The following SBF2 variants were observed in gnomAD, a reference collection of about 807,000 sequenced individuals.
SBF2 encodes myotubularin-related protein 13.
A neutral mutation model predicts 225.2 loss-of-function variants in SBF2; 112 were observed. The ratio of observed to expected loss-of-function variants is 0.50; its 90% CI spans 0.43 to 0.58. SBF2 has a LOEUF of 0.58. Ranked by LOEUF, SBF2 falls within the 20% of genes least tolerant of loss-of-function variation. The pLI is 0.00. For synonymous variants in SBF2, 763 were observed against 773.3 expected, an observed-to-expected ratio of 0.99 and a Z score of 0.22; for missense variants, 1,996 against 2,206.2, an observed-to-expected ratio of 0.90 and a Z score of 1.91.
intron 1 of SBF2, among the ~76,000 whole-genome samples, chr11:10,214,999 G>A (rs904855923): frequency 6.6e-6 from 1 of 152,162 alleles, no homozygotes; most frequent in Admixed American, 6.5e-5. Flanking sequence ...CTCTGCCTCA[G>A]CCACAATCAC....
chr11:10,262,367 G>A (rs1961528928), intron 1 of SBF2, among the ~76,000 whole-genome samples: 1 of 152,132 alleles, frequency 6.6e-6, no homozygotes, highest in Non-Finnish European at 1.5e-5. Context: ...ATAATCAAAT[G>A]TTGTAGAGGA....
At chr11:9,907,915 A>C (rs1416477294) in intron 16 of SBF2, among the ~76,000 whole-genome samples, 2 of 152,344 alleles carry the variant, frequency 1.3e-5, no homozygotes, top group East Asian at 3.9e-4. Context: ...AGCCTCTCAG[A>C]GGTTAAATTA....
chr11:9,963,708 C>T (rs545299382), intron 15 of SBF2, 65 bp downstream of exon 15: 2 of 778,326 alleles, frequency 2.6e-6, no homozygotes, highest in African/African-American at 3.4e-5. Flanking sequence ...AAGCTGGTAA[C>T]CTCAGCACGT....
At chr11:10,130,994 T>G (rs1954020584) in intron 2 of SBF2, among the ~76,000 whole-genome samples, 1 of 152,190 alleles carries the variant, frequency 6.6e-6, no homozygotes, top group Non-Finnish European at 1.5e-5. Flanking sequence ...TAAAACCATG[T>G]ATGGGATTCT....
chr11:9,909,062 T>G (rs1381869357), intron 16 of SBF2, among the ~76,000 whole-genome samples: 3 of 152,080 alleles, frequency 2.0e-5, no homozygotes, highest in African/African-American at 7.2e-5. Context: ...TTGAGGGCAA[T>G]GATTGTGTTA....
At chr11:10,070,334 T>G (rs1258925090) in intron 2 of SBF2, among the ~76,000 whole-genome samples, 1 of 152,158 alleles carries the variant, frequency 6.6e-6, no homozygotes, top group Non-Finnish European at 1.5e-5. Context: ...TAATTTTTGT[T>G]ATAAGATGTA....
In SBF2 at chr11:10,031,069, T is replaced by C. The variant is rs1263376308; in HGVS notation, c.381A>G (p.Leu127=). Residue 127 remains leucine, a synonymous_variant, in exon 4 of 40, where the codon TTA becomes TTG. Coordinates refer to ENST00000256190, the MANE Select transcript of SBF2 (RefSeq NM_030962.4). ...TTACCCTAAAAATTTCTGGATAATA[T>C]AATCTGGATACCAACACCAGGCTTT... ...APKSLVLVSR[L]YYPEIFRACL... 6.2e-7 allele frequency: 1 copy of C among 1,612,966 alleles called. No individual in the cohort carries two copies. Among genetic ancestry groups the C allele is most frequent in the Non-Finnish European group, 8.5e-7 (1 of 1,179,178 alleles).
chr11:9,787,258 AGG>A (rs1852435155), intron 36 of SBF2, among the ~76,000 whole-genome samples: 1 of 152,244 alleles, frequency 6.6e-6, no homozygotes, highest in Non-Finnish European at 1.5e-5. Flanking sequence ...TGAACAACAC[AGG>A]GTAGCATATT....
intron 7 of SBF2, among the ~76,000 whole-genome samples, chr11:10,002,054 C>T (rs1000702993): frequency 3.9e-5 from 6 of 151,994 alleles, no homozygotes; most frequent in Non-Finnish European, 7.4e-5. Context: ...AAAATTACAA[C>T]GAAGCCCTGC....
chr11:9,808,291 T>G lies in SBF2; in HGVS notation c.4258-106A>C, dbSNP rs564128644. 1.5e-3 allele frequency: 1,484 copies of G among 985,198 alleles called. 11 individuals carry two copies. Among genetic ancestry groups the G allele is most frequent in the South Asian group, 5.0e-3 (358 of 72,196 alleles). The allele number at this position is 985,198 out of a possible 1,614,324, so 61.0% of individuals were successfully genotyped here. A position where few individuals can be genotyped will look rare whatever the true frequency, so the allele number is the denominator to read the frequency against. On this transcript the variant is annotated intron_variant, in intron 31 of 39. Coordinates refer to ENST00000256190, the MANE Select transcript of SBF2 (RefSeq NM_030962.4). Reference sequence around the variant, plus strand: ...ATGATAGCTAATTCACAAATTTACCTGGACAGCAAATTTGTTCACTAACCA... The same window carrying G: ...ATGATAGCTAATTCACAAATTTACCGGGACAGCAAATTTGTTCACTAACCA...
At chr11:10,292,410 G>A (rs1486280217) in intron 1 of SBF2, among the ~76,000 whole-genome samples, 2 of 152,254 alleles carry the variant, frequency 1.3e-5, no homozygotes, top group East Asian at 3.9e-4. Flanking sequence ...GGCCGGGCGT[G>A]GTGGCTCAAG....
intron 1 of SBF2, among the ~76,000 whole-genome samples, chr11:10,245,338 GAGTTCC>G (rs977919901): frequency 8.2e-5 from 8 of 98,080 alleles, no homozygotes; most frequent in African/African-American, 3.2e-4. Flanking sequence ...TTGATTCCAG[GAGTTCC>G]AGACTATAGT....
At chr11:9,969,895 G>A (rs1220728371) in intron 13 of SBF2, among the ~76,000 whole-genome samples, 1 of 152,156 alleles carries the variant, frequency 6.6e-6, no homozygotes, top group East Asian at 1.9e-4. Context: ...TCTTCCCACT[G>A]CATCTTAATG....
intron 3 of SBF2, among the ~76,000 whole-genome samples, chr11:10,041,983 T>G (rs1949673976): frequency 6.6e-6 from 1 of 151,866 alleles, no homozygotes; most frequent in Non-Finnish European, 1.5e-5. Flanking sequence ...TATACAATCT[T>G]AACTTCCACC....
At chr11:10,036,267 A>G (rs369028910) in intron 3 of SBF2, among the ~76,000 whole-genome samples, 1 of 152,060 alleles carries the variant, frequency 6.6e-6, no homozygotes, top group Non-Finnish European at 1.5e-5. Context: ...GTCAGTGGGT[A>G]GTGGGGTTAG....
At chr11:10,026,004 T>C (rs1222049734) in intron 6 of SBF2, among the ~76,000 whole-genome samples, 68 of 152,026 alleles carry the variant, frequency 4.5e-4, no homozygotes, top group Admixed American at 4.5e-3. Context: ...CTTTGGGTTT[T>C]AGAAATTTAT....
At chr11:10,284,701 C>T (rs1178767975) in intron 1 of SBF2, among the ~76,000 whole-genome samples, 3 of 152,114 alleles carry the variant, frequency 2.0e-5, no homozygotes, top group East Asian at 3.9e-4. Context: ...GCCTCGACCT[C>T]CTGGGCTCAA....
chr11:9,927,657 G>A (rs1225057772), intron 16 of SBF2, among the ~76,000 whole-genome samples: 5 of 152,056 alleles, frequency 3.3e-5, no homozygotes, highest in Non-Finnish European at 5.9e-5. Context: ...AATTCACCCT[G>A]TTAAAAAACT....
intron 2 of SBF2, among the ~76,000 whole-genome samples, chr11:10,153,942 T>A (rs1955344427): frequency 6.6e-6 from 1 of 152,112 alleles, no homozygotes; most frequent in African/African-American, 2.4e-5. Context: ...CTGAATAATC[T>A]TTATACATTT....
Sources: gnomAD v4.1 joint callset for allele counts (sites outside exome capture counted in the v4.1 genomes callset) on GRCh38, gnomAD v4.1.1 for gene constraint, MANE v1.5 for transcripts, NCBI Gene and HGNC (gene_info 2026-07-23, HGNC 2026-07-21) for gene names.